Variants in ZFP69 observed in about 807,000 individuals in gnomAD.
ZFP69 encodes ZFP69 zinc finger protein.
ZFP69 carries 35 observed loss-of-function variants against 48.9 expected under a neutral mutation model. The observed-to-expected ratio is 0.72, with a 90% CI of 0.55 to 0.95. The LOEUF (loss-of-function observed/expected upper bound fraction) is 0.95, where lower values mean the gene tolerates loss of function less well. Among genes scored for constraint, ZFP69 ranks in the 40% least tolerant of loss-of-function variants. The pLI, the probability that ZFP69 is intolerant of heterozygous loss-of-function variation, is 0.00. For missense variants in ZFP69, 557 were observed against 638.4 expected (o/e 0.87, Z 1.37); for synonymous variants, 193 against 216.8 (o/e 0.89, Z 0.96).
At chr1:40,483,480 C>T (rs116524171) in intron 3 of ZFP69, among the ~76,000 whole-genome samples, 2 of 152,036 alleles carry the variant, frequency 1.3e-5, no homozygotes, top group Non-Finnish European at 2.9e-5. Context: ...CCTTCTGCCT[C>T]GGCCTCCCAA....
intron 5 of ZFP69, among the ~76,000 whole-genome samples, chr1:40,491,909 A>C (rs1248455049): frequency 2.0e-5 from 3 of 152,120 alleles, no homozygotes; most frequent in African/African-American, 7.2e-5. Context: ...ACTTTTCAAA[A>C]TTAGTGTCTT....
intron 5 of ZFP69, among the ~76,000 whole-genome samples, chr1:40,494,560 G>A (rs915566840): frequency 3.4e-5 from 5 of 146,474 alleles, no homozygotes; most frequent in Non-Finnish European, 7.5e-5. Flanking sequence ...GAGCCACCGC[G>A]CCCGGCCCAA....
intron 2 of ZFP69, among the ~76,000 whole-genome samples, chr1:40,480,528 C>T (rs1382900266): frequency 6.6e-6 from 1 of 151,190 alleles, no homozygotes; most frequent in East Asian, 1.9e-4. Context: ...AGTTAGATGC[C>T]TCTTTTGAAA....
intron 5 of ZFP69, among the ~76,000 whole-genome samples, chr1:40,490,276 C>T (rs1171442332): frequency 6.6e-6 from 1 of 152,144 alleles, no homozygotes; most frequent in Non-Finnish European, 1.5e-5. Context: ...CCAACACTTC[C>T]CACCAGGCCC....
chr1:40,480,216 A>G, intron 2 of ZFP69, among the ~76,000 whole-genome samples: 1 of 152,146 alleles, frequency 6.6e-6, no homozygotes, highest in East Asian at 1.9e-4. Context: ...AAAGCAGCCT[A>G]AGAAAAGTTA....
At chr1:40,483,754 C>T (rs2124443983) in intron 3 of ZFP69, among the ~76,000 whole-genome samples, 1 of 152,204 alleles carries the variant, frequency 6.6e-6, no homozygotes, top group Non-Finnish European at 1.5e-5. Flanking sequence ...TAGCATTTGA[C>T]CTTCTTATTT....
intron 3 of ZFP69, among the ~76,000 whole-genome samples, chr1:40,485,776 T>C (rs1645490004): frequency 6.6e-6 from 1 of 152,214 alleles, no homozygotes. Context: ...TTTCTTTAAG[T>C]AGTTTAAAAA....
Position 40,479,419 on chromosome 1 carries a change from C to T in ZFP69, c.58C>T (p.Gln20Ter). Residue 20 changes from glutamine (Q) to a stop codon, truncating the protein, a stop_gained, in exon 2 of 6, where the codon CAA becomes TAA. Coordinates refer to ENST00000372706, the MANE Select transcript of ZFP69 (RefSeq NM_001320179.2). LOFTEE classifies it high-confidence loss of function. ...PTEASTWVKLQHPKKAVEGAP... is the reference protein window; with the variant it reads ...PTEASTWVKL ...CGAGGCCAGCACCTGGGTGAAGCTGCAACATCCAAAGAAGGCCGTGGAGGG... is the reference window on the plus strand; with the variant it reads ...CGAGGCCAGCACCTGGGTGAAGCTGTAACATCCAAAGAAGGCCGTGGAGGG... 1 of 1,614,126 alleles carries T rather than the reference C, an allele frequency of 6.2e-7. No homozygotes were observed. The highest frequency in any genetic ancestry group is 8.5e-7 in the Non-Finnish European group (1 of 1,179,986).
chr1:40,495,529 G>C lies in ZFP69; in HGVS notation c.1051G>C (p.Gly351Arg), dbSNP rs1645623061. ...SLNQHHRTHT[G>R]EKPYVCDKCQ... ...TAATCAGCATCATAGAACTCACACT[G>C]GGGAGAAACCCTATGTATGTGATAA... The change falls in exon 6 of 6, where the codon GGG becomes CGG. Residue 351 changes from glycine to arginine, a missense_variant. By Grantham distance (125) the Gly-to-Arg change is moderately radical. Transcript: ENST00000372706. 1 of 1,614,020 alleles carries C rather than the reference G, an allele frequency of 6.2e-7. No homozygotes were observed. Among genetic ancestry groups the C allele is most frequent in the Non-Finnish European group, 8.5e-7 (1 of 1,180,014 alleles).
rs780591542 is a variant in ZFP69, at chr1:40,496,016, A to G, written c.1538A>G (p.His513Arg). The G allele has an allele frequency of 3.1e-6, 5 of 1,610,870 alleles. No individual in the cohort carries two copies. Among genetic ancestry groups the G allele is most frequent in the Non-Finnish European group, 4.2e-6 (5 of 1,178,634 alleles). The change falls in exon 6 of 6, where the codon CAT becomes CGT. Residue 513 changes from histidine to arginine, a missense_variant. Physicochemically the swap from His to Arg is conservative, Grantham distance 29. Coordinates refer to ENST00000372706, the MANE Select transcript of ZFP69 (RefSeq NM_001320179.2). ...AFSYNSSLSR[H>R]HEIHRRNAFR... The stretch of plus-strand genomic sequence containing the variant: ...AGCTATAACTCTTCACTTAGTCGAC[A>G]TCATGAAATACACAGGAGGAACGCC...
chr1:40,480,836 T>C (rs1645436471), intron 2 of ZFP69, among the ~76,000 whole-genome samples: 1 of 152,184 alleles, frequency 6.6e-6, no homozygotes, highest in Admixed American at 6.5e-5. Context: ...CAAATTTAAA[T>C]TAAAATTAAA....
intron 3 of ZFP69, among the ~76,000 whole-genome samples, chr1:40,488,018 A>G (rs1645520292): frequency 6.8e-6 from 1 of 148,056 alleles, no homozygotes. Context: ...TCCAGCCTGG[A>G]CAACAGGGTG....
At chr1:40,486,746 T>C (rs995258701) in intron 3 of ZFP69, among the ~76,000 whole-genome samples, 10 of 151,912 alleles carry the variant, frequency 6.6e-5, no homozygotes, top group Non-Finnish European at 1.2e-4. Context: ...ACATGTATAA[T>C]AGACCACTTG....
intron 3 of ZFP69, among the ~76,000 whole-genome samples, chr1:40,482,696 AC>A (rs1645454573): frequency 6.6e-6 from 1 of 152,240 alleles, no homozygotes; most frequent in Admixed American, 6.5e-5. Flanking sequence ...AATTAAAAGA[AC>A]ATTGGAGGCA....
chr1:40,486,799 A>G (rs1645505112), intron 3 of ZFP69, among the ~76,000 whole-genome samples: 1 of 152,018 alleles, frequency 6.6e-6, no homozygotes, highest in Non-Finnish European at 1.5e-5. Context: ...TCTAGTTTGA[A>G]TAATATTTAT....
At position 40,484,095 on chromosome 1, in the gene ZFP69, A is replaced by G. The variant is rs1645470929; in HGVS notation, c.219+2241A>G. Reference sequence around the variant, plus strand: ...CGTCTCAAAAAAAATAAATAAATAAAATAAATAAAACAATCAGTATGGTTG... The same window carrying G: ...CGTCTCAAAAAAAATAAATAAATAAGATAAATAAAACAATCAGTATGGTTG... On this transcript the variant is annotated intron_variant, in intron 3 of 5. Transcript: ENST00000372706. Among the ~76,000 whole-genome samples the G allele has an allele frequency of 3.3e-5, 5 of 152,112 alleles. No individual in the cohort carries two copies. In the South Asian group the frequency reaches 1.0e-3, roughly 31 times the overall value.
rs181110785 is a variant in ZFP69 at position 40,484,723 on chromosome 1, G to A, written c.219+2869G>A. ...CTCCTGAGTAGCTGGGACTACAGGC[G>A]CGTGCCACCACACCCGGCTAATTTT... On this transcript the variant is annotated intron_variant, in intron 3 of 5. Transcript: ENST00000372706. 6.1e-3 allele frequency among the ~76,000 whole-genome samples: 913 copies of A among 150,706 alleles called. 4 individuals are homozygous for A. Among genetic ancestry groups the A allele is most frequent in the South Asian group, 0.013 (63 of 4,736 alleles).
At chr1:40,480,826 CA>C (rs1275358805) in intron 2 of ZFP69, among the ~76,000 whole-genome samples, 1 of 152,044 alleles carries the variant, frequency 6.6e-6, no homozygotes, top group African/African-American at 2.4e-5. Context: ...ATAATGTGTG[CA>C]AATTTAAATT....
intron 3 of ZFP69, 28 bp from the exon 4 acceptor site, chr1:40,489,060 C>A: frequency 6.2e-7 from 1 of 1,613,470 alleles, no homozygotes; most frequent in Non-Finnish European, 8.5e-7. Context: ...TGGTCTCCGG[C>A]TAAAAATGAA....
Sources: gnomAD v4.1 joint callset for allele counts (sites outside exome capture counted in the v4.1 genomes callset) on GRCh38, gnomAD v4.1.1 for gene constraint, MANE v1.5 for transcripts, NCBI Gene and HGNC (gene_info 2026-07-23, HGNC 2026-07-21) for gene names.